Variants in TRPM3 observed in about 807,000 individuals in gnomAD.
The protein encoded by TRPM3 is long transient receptor potential channel 3.
TRPM3 carries 77 observed loss-of-function variants against 181.2 expected under a neutral mutation model. That is an observed-to-expected ratio of 0.42 (90% CI 0.35 to 0.51). The LOEUF is 0.51. Ranked by LOEUF, TRPM3 falls within the 20% of genes least tolerant of loss-of-function variation. The pLI, the probability that TRPM3 is intolerant of heterozygous loss-of-function variation, is 0.01. For missense variants in TRPM3, 1,759 were observed against 2,196.7 expected (o/e 0.80, Z 3.98); for synonymous variants, 745 against 796.4 (o/e 0.94, Z 1.09).
At chr9:71,053,431 CAG>C (rs2060290439) in intron 1 of TRPM3, among the ~76,000 whole-genome samples, 1 of 152,064 alleles carries the variant, frequency 6.6e-6, no homozygotes, top group Non-Finnish European at 1.5e-5. Flanking sequence ...TAAACACACA[CAG>C]AGTTTGTGGC....
At chr9:71,026,492 C>A (rs546565232) in intron 1 of TRPM3, among the ~76,000 whole-genome samples, 1 of 152,220 alleles carries the variant, frequency 6.6e-6, no homozygotes. Context: ...ATGGCCACCA[C>A]CCACATTGTT....
chr9:70,556,225 G>A (rs1375858144), intron 22 of TRPM3, among the ~76,000 whole-genome samples: 1 of 141,756 alleles, frequency 7.1e-6, no homozygotes, highest in Non-Finnish European at 1.6e-5. Context: ...TATTGGACCA[G>A]CTTAATATCT....
At chr9:71,399,448 A>T (rs1264207020) in intron 1 of TRPM3, among the ~76,000 whole-genome samples, 3 of 152,082 alleles carry the variant, frequency 2.0e-5, no homozygotes, top group Admixed American at 6.6e-5. Context: ...GAAGGACTGC[A>T]AGGGAATCTA....
chr9:70,903,831 C>T (rs1045605749), intron 1 of TRPM3, among the ~76,000 whole-genome samples: 3 of 151,880 alleles, frequency 2.0e-5, no homozygotes, highest in African/African-American at 7.3e-5. Context: ...TGTAAATGTT[C>T]GTTTAACAAT....
chr9:70,939,664 C>G (rs2096866154), intron 1 of TRPM3, among the ~76,000 whole-genome samples: 1 of 152,114 alleles, frequency 6.6e-6, no homozygotes, highest in African/African-American at 2.4e-5. Context: ...AGAGATAGAA[C>G]AGGAAATCTA....
chr9:71,326,910 C>T (rs868843166), intron 1 of TRPM3, among the ~76,000 whole-genome samples: 1 of 152,172 alleles, frequency 6.6e-6, no homozygotes. Flanking sequence ...AGAGAACAAG[C>T]ATCCTACATT....
At chr9:70,752,053 C>T (rs58942581) in intron 8 of TRPM3, among the ~76,000 whole-genome samples, 25,672 of 78,966 alleles carry the variant, frequency 0.33, 2,400 homozygotes, top group African/African-American at 0.37. Context: ...TGTGTGTGCG[C>T]GCGCGCGCGC....
rs5898149 is a variant in TRPM3 at position 70,535,032 on chromosome 9, GTTTTT to G, written c.*916_*920del. On this transcript the variant is annotated 3_prime_UTR_variant, in exon 26 of 26. Coordinates refer to ENST00000677713, the MANE Select transcript of TRPM3 (RefSeq NM_001366145.2). ...CAATTTCAGGCTAGTTCTGTCCACT[GTTTTT>G]TTTTTTTTTTTTTTAAGTTCAATAT... The G allele has an allele frequency of 1.1e-4, 15 of 139,796 alleles. No individual in the cohort carries two copies. The highest frequency in any genetic ancestry group is 1.8e-4 in the Non-Finnish European group (12 of 65,726). 8.7% of individuals were successfully genotyped at this position (139,796 alleles called of 1,614,324 possible). A position where few individuals can be genotyped will look rare whatever the true frequency, so the allele number is the denominator to read the frequency against.
intron 1 of TRPM3, among the ~76,000 whole-genome samples, chr9:71,275,581 G>A (rs2084139537): frequency 6.6e-6 from 1 of 151,928 alleles, no homozygotes; most frequent in Admixed American, 6.6e-5. Context: ...TAATATGTAG[G>A]GAATTATGAA....
At chr9:71,425,876 CA>C (rs1011984435) in intron 1 of TRPM3, among the ~76,000 whole-genome samples, 1 of 152,116 alleles carries the variant, frequency 6.6e-6, no homozygotes, top group African/African-American at 2.4e-5. Context: ...CTTAGTTCCT[CA>C]AACATGCCAA....
chr9:71,022,806 G>A (rs970501740), intron 1 of TRPM3, among the ~76,000 whole-genome samples: 9 of 152,034 alleles, frequency 5.9e-5, no homozygotes. Context: ...TGTACGTTCT[G>A]CACATGTATC....
At chr9:70,629,165 T>A (rs1041304456) in intron 12 of TRPM3, among the ~76,000 whole-genome samples, 1 of 127,186 alleles carries the variant, frequency 7.9e-6, no homozygotes, top group Non-Finnish European at 1.6e-5. Flanking sequence ...TTCAGAATGA[T>A]TTATGTTTGG....
At chr9:70,696,950 A>T (rs1484404166) in intron 8 of TRPM3, among the ~76,000 whole-genome samples, 1 of 150,014 alleles carries the variant, frequency 6.7e-6, no homozygotes, top group African/African-American at 2.4e-5. Flanking sequence ...GTTTATTTAC[A>T]CAATGCAGGG....
At chr9:71,076,990 C>T (rs956227906) in intron 1 of TRPM3, among the ~76,000 whole-genome samples, 3 of 152,198 alleles carry the variant, frequency 2.0e-5, no homozygotes, top group African/African-American at 7.2e-5. Context: ...CACACATTTT[C>T]TACACTACAA....
chr9:70,828,098 G>T, intron 5 of TRPM3, 80 bp from the exon 6 acceptor site: 1 of 1,388,012 alleles, frequency 7.2e-7, no homozygotes, highest in Non-Finnish European at 9.9e-7. Context: ...ACAGAGGAAA[G>T]AGAGGAAGAA....
chr9:71,201,070 T>C (rs1201889565), intron 1 of TRPM3, among the ~76,000 whole-genome samples: 1 of 152,094 alleles, frequency 6.6e-6, no homozygotes, highest in Non-Finnish European at 1.5e-5. Flanking sequence ...GCAGGCCTGG[T>C]GGTGACAAAA....
chr9:71,179,480 C>A (rs1303677984), intron 1 of TRPM3, among the ~76,000 whole-genome samples: 7 of 152,040 alleles, frequency 4.6e-5, no homozygotes, highest in Non-Finnish European at 1.0e-4. Context: ...TTATTAGAAA[C>A]CAAATTAAAA....
intron 1 of TRPM3, among the ~76,000 whole-genome samples, chr9:71,087,850 T>G (rs1348672377): frequency 6.6e-6 from 1 of 152,102 alleles, no homozygotes; most frequent in African/African-American, 2.4e-5. Context: ...ACTTTGAAAA[T>G]TATAATCTGC....
chr9:70,751,095 C>T (rs567525366), intron 8 of TRPM3, among the ~76,000 whole-genome samples: 8 of 151,706 alleles, frequency 5.3e-5, no homozygotes, highest in Non-Finnish European at 1.2e-4. Context: ...GCACAGAATA[C>T]ATGCAATTAG....
Sources: allele counts gnomAD v4.1 joint callset (sites outside exome capture counted in the v4.1 genomes callset), GRCh38; gene constraint gnomAD v4.1.1; transcripts MANE v1.5; gene names NCBI Gene and HGNC (gene_info 2026-07-23, HGNC 2026-07-21).